Variants in ANXA2 observed in about 807,000 individuals in gnomAD.
The protein encoded by ANXA2 is annexin A2.
Under a neutral mutation model 47.3 loss-of-function variants are expected in ANXA2, and 28 were observed. The ratio of observed to expected loss-of-function variants is 0.59; its 90% confidence interval spans 0.44 to 0.81. The LOEUF (loss-of-function observed/expected upper bound fraction) is 0.81, where lower values mean the gene tolerates loss of function less well. ANXA2 is among the 40% of genes least tolerant of loss of function. The pLI, the probability that ANXA2 is intolerant of heterozygous loss-of-function variation, is 0.00. For synonymous variants in ANXA2, 172 were observed against 155.5 expected, an observed-to-expected ratio of 1.11 and a Z score of -0.79; for missense variants, 384 against 414.3, an observed-to-expected ratio of 0.93 and a Z score of 0.64.
intron 3 of ANXA2, among the ~76,000 whole-genome samples, chr15:60,376,366 G>A (rs1338750311): frequency 8.0e-5 from 12 of 150,908 alleles, no homozygotes; most frequent in African/African-American, 2.7e-4. Context: ...GGCAACAAGA[G>A]CAAAACTCTG....
chr15:60,397,852 C>A, intron 1 of ANXA2, 91 bp downstream of exon 1: 2 of 1,389,682 alleles, frequency 1.4e-6, no homozygotes, highest in Non-Finnish European at 1.9e-6. Context: ...GTTGCCGGGG[C>A]CTCCCTGCCA....
chr15:60,361,394 G>T, intron 4 of ANXA2: 1 of 228,632 alleles, frequency 4.4e-6, no homozygotes, highest in Non-Finnish European at 8.8e-6. Context: ...TCCGTGGAAG[G>T]CAGGACGCTT....
chr15:60,349,748 AAGAG>A (rs1448788410), intron 11 of ANXA2, among the ~76,000 whole-genome samples: 5 of 149,410 alleles, frequency 3.3e-5, no homozygotes, highest in Non-Finnish European at 5.9e-5. Flanking sequence ...GAGAGAAAGA[AAGAG>A]AGAAAGAAAG....
In ANXA2 at chr15:60,352,590, G is replaced by C. The variant is rs1177412429; in HGVS notation, c.589-114C>G. ...ACATTCAAAATGCCAAACGAGGAAAGATGATTATACTGCAGACATGGGCAG... is the reference window on the plus strand; with the variant it reads ...ACATTCAAAATGCCAAACGAGGAAACATGATTATACTGCAGACATGGGCAG... On this transcript the variant is annotated intron_variant, in intron 8 of 12. Coordinates refer to ENST00000451270, the MANE Select transcript of ANXA2 (RefSeq NM_004039.3). The surrounding 1 kb of genome is among the most constrained non-coding windows in gnomAD (Gnocchi z 4.2). 8.0e-6 allele frequency: 6 copies of C among 749,572 alleles called. No homozygotes were observed. Among genetic ancestry groups the C allele is most frequent in the Non-Finnish European group, 1.4e-5 (6 of 437,764 alleles). The allele number at this position is 749,572 out of a possible 1,614,324, so 46.4% of individuals were successfully genotyped here.
chr15:60,378,348 C>G (rs1488419700), intron 3 of ANXA2, among the ~76,000 whole-genome samples: 3 of 152,138 alleles, frequency 2.0e-5, no homozygotes, highest in Non-Finnish European at 4.4e-5. Context: ...TATTGACAAA[C>G]TTTATTTTTC....
At chr15:60,380,570 A>G (rs1334869570) in intron 3 of ANXA2, among the ~76,000 whole-genome samples, 14 of 151,754 alleles carry the variant, frequency 9.2e-5, no homozygotes, top group Non-Finnish European at 2.1e-4. Flanking sequence ...TTGGGAGGCC[A>G]AGGCGGGCGG....
chr15:60,380,854 T>C (rs557262537), intron 3 of ANXA2, among the ~76,000 whole-genome samples: 1 of 149,586 alleles, frequency 6.7e-6, no homozygotes, highest in South Asian at 2.1e-4. Context: ...CTAATTTGGA[T>C]GCTTCATTAT....
intron 2 of ANXA2, among the ~76,000 whole-genome samples, chr15:60,385,390 A>C (rs2140919618): frequency 6.6e-6 from 1 of 152,308 alleles, no homozygotes; most frequent in Admixed American, 6.5e-5. Flanking sequence ...ACATGGTGAA[A>C]CCCAGTCTCA....
At chr15:60,397,839 C>G in intron 1 of ANXA2, 104 bp downstream of exon 1, 1 of 1,385,304 alleles carries the variant, frequency 7.2e-7, no homozygotes, top group South Asian at 1.6e-5. Flanking sequence ...GCCTCCGGGG[C>G]CAGTTGCCGG....
chr15:60,397,870 C>T (rs1357990260), intron 1 of ANXA2, 73 bp downstream of exon 1: 3 of 1,382,038 alleles, frequency 2.2e-6, no homozygotes, highest in Non-Finnish European at 1.9e-6. Flanking sequence ...CCAGGCCGTA[C>T]CCTTCTTCCC....
chr15:60,390,536 A>C (rs1400926569), intron 1 of ANXA2: 5 of 468,126 alleles, frequency 1.1e-5, no homozygotes, highest in Non-Finnish European at 2.1e-5. Flanking sequence ...TTTCTGGAAA[A>C]CGGGTAAAAT....
chr15:60,393,528 A>T lies in ANXA2; in HGVS notation c.-12+4415T>A, dbSNP rs528280827. 1.1e-5 allele frequency: 11 copies of T among 987,234 alleles called. No homozygotes were observed. In the South Asian group the frequency reaches 5.1e-4, roughly 46 times the overall value. The allele number at this position is 987,234 out of a possible 1,614,324, so 61.2% of individuals were successfully genotyped here. A position where few individuals can be genotyped will look rare whatever the true frequency, so the allele number is the denominator to read the frequency against. On this transcript the variant is annotated intron_variant, in intron 1 of 12. Transcript: ENST00000451270. ...CCTTAAATATCTTCTATACACACAC[A>T]CATGCATACACGCATCCTGCACAGA...
At chr15:60,354,904 G>A (rs1022336153) in intron 7 of ANXA2, among the ~76,000 whole-genome samples, 1 of 152,206 alleles carries the variant, frequency 6.6e-6, no homozygotes, top group African/African-American at 2.4e-5. Flanking sequence ...GCACTAGAAA[G>A]ACACAAAATG....
In ANXA2 at chr15:60,357,242, AACCAGGAAGC is replaced by A. The variant is rs2062445007; in HGVS notation, c.358-16_358-7del. 1 of 1,613,442 alleles carries A rather than the reference AACCAGGAAGC, an allele frequency of 6.2e-7. No homozygotes were observed. The highest frequency in any genetic ancestry group is 1.1e-5 in the South Asian group (1 of 91,064). ...TCCTCGTCGGTTCCCAGCCCCTGTG[AACCAGGAAGC>A]ACGAACATCAGCAGGGAAATGCTTC... On this transcript the variant is annotated splice_region_variant and splice_polypyrimidine_tract_variant and intron_variant, in intron 5 of 12. Coordinates refer to ENST00000451270, the MANE Select transcript of ANXA2 (RefSeq NM_004039.3).
chr15:60,353,795 T>C (rs1444968112), intron 8 of ANXA2, among the ~76,000 whole-genome samples: 1 of 152,142 alleles, frequency 6.6e-6, no homozygotes, highest in Non-Finnish European at 1.5e-5. Flanking sequence ...GGCTGCCATG[T>C]TGTGAGGACG....
intron 3 of ANXA2, 64 bp downstream of exon 3, chr15:60,382,278 T>C: frequency 7.7e-7 from 1 of 1,302,644 alleles, no homozygotes. Context: ...TGAGGGAGAA[T>C]AAAGAGACAA....
At chr15:60,353,903 C>T (rs1163347838) in intron 8 of ANXA2, among the ~76,000 whole-genome samples, 1 of 152,184 alleles carries the variant, frequency 6.6e-6, no homozygotes, top group Non-Finnish European at 1.5e-5. Flanking sequence ...ATTCCCTTGA[C>T]CCAGTCAAGC....
intron 3 of ANXA2, among the ~76,000 whole-genome samples, chr15:60,367,996 TG>T (rs1176961007): frequency 8.3e-6 from 1 of 120,302 alleles, no homozygotes; most frequent in Non-Finnish European, 1.7e-5. Flanking sequence ...GGGATCCTGT[TG>T]ATCTGTGACC....
At chr15:60,388,782 C>T (rs1394064307) in intron 1 of ANXA2, among the ~76,000 whole-genome samples, 4 of 146,926 alleles carry the variant, frequency 2.7e-5, no homozygotes, top group East Asian at 2.0e-4. Context: ...CTCTCTGTTA[C>T]CCAGGCTGGA....
Sources: gnomAD v4.1 joint callset for allele counts (sites outside exome capture counted in the v4.1 genomes callset) on GRCh38, gnomAD v4.1.1 for gene constraint, Gnocchi (gnomAD v3.1) non-coding constraint, MANE v1.5 for transcripts, NCBI Gene and HGNC (gene_info 2026-07-23, HGNC 2026-07-21) for gene names.